Variants in LYAR observed in about 807,000 individuals in gnomAD.
The protein encoded by LYAR is Ly1 antibody reactive, also known as cell growth-regulating nucleolar protein.
LYAR carries 37 observed loss-of-function variants against 45.2 expected under a neutral mutation model. The ratio of observed to expected loss-of-function variants is 0.82; its 90% confidence interval spans 0.63 to 1.08. LYAR has a LOEUF of 1.08. Ranked by LOEUF, LYAR falls within the 50% of genes least tolerant of loss-of-function variation. LYAR has a pLI of 0.00. For missense variants in LYAR, 493 were observed against 451.0 expected, an observed-to-expected ratio of 1.09 and a Z score of -0.84; for synonymous variants, 176 against 155.1, an observed-to-expected ratio of 1.14 and a Z score of -1.00.
Position 4,283,623 on chromosome 4 carries a change from G to C in LYAR, c.120C>G (p.Phe40Leu). Residue 40 changes from phenylalanine (F) to leucine (L), a missense_variant and splice_region_variant, in exon 3 of 10, where the codon TTC becomes TTG. Phe to Leu is a conservative substitution (Grantham distance 22). Coordinates refer to ENST00000343470, the MANE Select transcript of LYAR (RefSeq NM_017816.3). The stretch of plus-strand genomic sequence containing the variant: ...TACATGAATTCTGTGAAGCTTACCA[G>C]AAATCTTTACCGCAGTCAATGCAAG... ...CLSCIDCGKD[F>L]WGDDYKNHVK... is the part of the protein sequence containing the mutation. The C allele has an allele frequency of 6.2e-7, 1 of 1,610,608 alleles. No individual in the cohort carries two copies. Among genetic ancestry groups the C allele is most frequent in the Non-Finnish European group, 8.5e-7 (1 of 1,179,338 alleles).
At chr4:4,269,482 G>C (rs1232913678) in intron 8 of LYAR, among the ~76,000 whole-genome samples, 1 of 152,172 alleles carries the variant, frequency 6.6e-6, no homozygotes, top group African/African-American at 2.4e-5. Context: ...CAGGAATTCA[G>C]GGGTCTCATC....
intron 6 of LYAR, among the ~76,000 whole-genome samples, chr4:4,277,177 G>A (rs755703445): frequency 6.6e-6 from 1 of 152,076 alleles, no homozygotes; most frequent in Non-Finnish European, 1.5e-5. Context: ...CTCCCGAGTA[G>A]CTGGGATTCT....
At chr4:4,280,989 T>C (rs983155308) in intron 4 of LYAR, among the ~76,000 whole-genome samples, 13 of 152,236 alleles carry the variant, frequency 8.5e-5, no homozygotes, top group Non-Finnish European at 1.8e-4. Context: ...AGAGTTATAC[T>C]TCCCAGTGAA....
chr4:4,289,041 G>C (rs1719742950), intron 1 of LYAR, among the ~76,000 whole-genome samples: 1 of 152,188 alleles, frequency 6.6e-6, no homozygotes, highest in African/African-American at 2.4e-5. Flanking sequence ...CCATGGGTAT[G>C]GTGCAAGAGA....
chr4:4,277,191 C>T (rs915693262), intron 6 of LYAR, among the ~76,000 whole-genome samples: 4 of 152,032 alleles, frequency 2.6e-5, no homozygotes, highest in African/African-American at 4.8e-5. Context: ...GGATTCTAGG[C>T]GCCTGCCACC....
intron 6 of LYAR, among the ~76,000 whole-genome samples, chr4:4,276,189 GTGAGAAACCAC>G (rs1719172756): frequency 2.0e-5 from 3 of 152,064 alleles, no homozygotes; most frequent in Non-Finnish European, 4.4e-5. Flanking sequence ...GCTTCCAGGT[GTGAGAAACCAC>G]TGAGCTGATG....
chr4:4,287,578 A>G (rs1719664822), intron 1 of LYAR, among the ~76,000 whole-genome samples: 1 of 152,200 alleles, frequency 6.6e-6, no homozygotes, highest in African/African-American at 2.4e-5. Flanking sequence ...TAAGACTGCT[A>G]TGATCATACT....
intron 4 of LYAR, among the ~76,000 whole-genome samples, chr4:4,280,775 C>T (rs998584572): frequency 6.6e-6 from 1 of 152,192 alleles, no homozygotes; most frequent in Non-Finnish European, 1.5e-5. Context: ...AAATACCCTC[C>T]CAGTAGTATG....
At chr4:4,273,765 G>GT in intron 7 of LYAR, 96 bp from the exon 8 acceptor site, 1 of 683,462 alleles carries the variant, frequency 1.5e-6, no homozygotes, top group Non-Finnish European at 2.5e-6. Flanking sequence ...CAAACTCCAC[G>GT]TATCATCTCA....
At position 4,281,793 on chromosome 4, in the gene LYAR, G is replaced by A. The variant is rs1719403311; in HGVS notation, c.227C>T (p.Ala76Val). Residue 76 changes from alanine to valine, a missense_variant, in exon 4 of 10, where the codon GCG becomes GTG. Ala to Val is a moderately conservative substitution (Grantham distance 64, BLOSUM62 0). Coordinates refer to ENST00000343470, the MANE Select transcript of LYAR (RefSeq NM_017816.3). ...TTAGAGAGACGTTACCTGAATCCAC[G>A]CCTGCTGTTTGATGTCGCCTTTGTG... is the stretch of plus-strand genomic sequence containing the variant. ...KTHKGDIKQQAWIQKISELIK... is the reference protein window; with the variant it reads ...KTHKGDIKQQVWIQKISELIK... 6.2e-7 allele frequency: 1 copy of A among 1,613,450 alleles called. No individual in the cohort carries two copies. The highest frequency in any genetic ancestry group is 8.5e-7 in the Non-Finnish European group (1 of 1,179,390).
chr4:4,283,871 C>T lies in LYAR; in HGVS notation c.-53-76G>A, dbSNP rs1436012689. On this transcript the variant is annotated intron_variant, in intron 2 of 9. Coordinates refer to ENST00000343470, the MANE Select transcript of LYAR (RefSeq NM_017816.3). Reference sequence around the variant, plus strand: ...TAAATGGCTCATGCCCCTAACTTTTCAACCATAATTTCACATGAAAATAAC... The same window carrying T: ...TAAATGGCTCATGCCCCTAACTTTTTAACCATAATTTCACATGAAAATAAC... 5 of 635,584 alleles carry T rather than the reference C, an allele frequency of 7.9e-6. No individual in the cohort carries two copies. In the East Asian group the frequency reaches 1.1e-4, roughly 14 times the overall value. The allele number at this position is 635,584 out of a possible 1,614,324, so 39.4% of individuals were successfully genotyped here. A position where few individuals can be genotyped will look rare whatever the true frequency, so the allele number is the denominator to read the frequency against.
At chr4:4,286,795 C>T (rs1316877140) in intron 1 of LYAR, among the ~76,000 whole-genome samples, 1 of 151,900 alleles carries the variant, frequency 6.6e-6, no homozygotes, top group Non-Finnish European at 1.5e-5. Context: ...TACAGGCATC[C>T]GCCACCACGC....
chr4:4,271,504 A>T (rs761040320), intron 8 of LYAR, among the ~76,000 whole-genome samples: 165 of 152,230 alleles, frequency 1.1e-3, no homozygotes, highest in Non-Finnish European at 1.6e-3. Flanking sequence ...CAACACAGGG[A>T]TTTCCTTTCT....
At chr4:4,288,478 T>A (rs1464022099) in intron 1 of LYAR, among the ~76,000 whole-genome samples, 4 of 140,876 alleles carry the variant, frequency 2.8e-5, no homozygotes, top group Admixed American at 2.8e-4. Context: ...ACTTATTCAA[T>A]TTTTTTTCTT....
At chr4:4,285,467 C>A (rs976478232) in intron 2 of LYAR, among the ~76,000 whole-genome samples, 2 of 152,174 alleles carry the variant, frequency 1.3e-5, no homozygotes, top group Admixed American at 6.5e-5. Context: ...GAGCAGCTAT[C>A]CTGCCTGACA....
chr4:4,277,105 G>C (rs1188635519), intron 6 of LYAR, among the ~76,000 whole-genome samples: 2 of 152,092 alleles, frequency 1.3e-5, no homozygotes, highest in African/African-American at 4.8e-5. Flanking sequence ...GGAGTGCAGT[G>C]GCACAATATC....
At chr4:4,274,816 T>C in intron 6 of LYAR, 47 bp from the exon 7 acceptor site, 1 of 1,529,216 alleles carries the variant, frequency 6.5e-7, no homozygotes, top group Non-Finnish European at 8.8e-7. Flanking sequence ...TTTAAATGTG[T>C]AAATAGAGTT....
rs530521858 is a variant in LYAR at position 4,273,567 on chromosome 4, G to A, written c.919+16C>T. The A allele has an allele frequency of 1.9e-6, 3 of 1,597,946 alleles. No homozygotes were observed. The highest frequency in any genetic ancestry group is 2.2e-5 in the East Asian group (1 of 44,780). ...CTGTGCCCAGCCGTGCTCCTCAAATGACAGCAGTGATATACCTTTTGCAGG... is the reference window on the plus strand; with the variant it reads ...CTGTGCCCAGCCGTGCTCCTCAAATAACAGCAGTGATATACCTTTTGCAGG... On this transcript the variant is annotated intron_variant, in intron 8 of 9. Coordinates refer to ENST00000343470, the MANE Select transcript of LYAR (RefSeq NM_017816.3).
Position 4,281,879 on chromosome 4 carries a change from G to C in LYAR, c.141C>G (p.Asn47Lys). Residue 47 changes from asparagine to lysine, a missense_variant, in exon 4 of 10, where the codon AAC becomes AAG. Transcript: ENST00000343470. Reference protein sequence around the residue: ...GKDFWGDDYKNHVKCISEDQK... With the variant: ...GKDFWGDDYKKHVKCISEDQK... ...GATCTTCACTTATGCATTTCACGTG[G>C]TTTTTATAGTCATCGCCCCTTTAAA... The C allele has an allele frequency of 1.2e-6, 2 of 1,613,920 alleles. No homozygotes were observed. The highest frequency in any genetic ancestry group is 1.7e-6 in the Non-Finnish European group (2 of 1,179,814).
Sources: gnomAD v4.1 joint callset for allele counts (sites outside exome capture counted in the v4.1 genomes callset) on GRCh38, gnomAD v4.1.1 for gene constraint, MANE v1.5 for transcripts, NCBI Gene and HGNC (gene_info 2026-07-23, HGNC 2026-07-21) for gene names.